Variants in MYO3B observed in about 807,000 individuals in gnomAD.
MYO3B encodes the protein myosin IIIB, also known as myosin-IIIb.
Under a neutral mutation model 174.6 loss-of-function variants are expected in MYO3B, and 156 were observed. The observed-to-expected ratio is 0.89, with a 90% confidence interval of 0.78 to 1.02. The LOEUF (loss-of-function observed/expected upper bound fraction) is 1.02. Among genes scored for constraint, MYO3B ranks in the 50% least tolerant of loss-of-function variants. MYO3B has a pLI of 0.00. For synonymous variants in MYO3B, 563 were observed against 569.1 expected (o/e 0.99, Z 0.15); for missense variants, 1,632 against 1,639.4 (o/e 1.00, Z 0.08).
intron 32 of MYO3B, among the ~76,000 whole-genome samples, chr2:170,574,514 G>GA (rs1283885709): frequency 6.6e-6 from 1 of 152,110 alleles, no homozygotes; most frequent in Non-Finnish European, 1.5e-5. Flanking sequence ...ATGGCATGCA[G>GA]AAGATAAATA....
At chr2:170,236,963 G>A (rs1232478143) in intron 7 of MYO3B, among the ~76,000 whole-genome samples, 9 of 152,164 alleles carry the variant, frequency 5.9e-5, no homozygotes. Context: ...TCTCCTGATT[G>A]CAATTTGCAT....
rs764401162 is a variant in MYO3B at position 170,463,444 on chromosome 2, G to A, written c.2807G>A (p.Arg936Gln). The change falls in exon 24 of 35, where the codon CGG becomes CAG. Residue 936 changes from arginine to glutamine, a missense_variant and splice_region_variant. Arg to Gln is a conservative substitution (Grantham distance 43). Transcript: ENST00000408978. Reference sequence around the variant, plus strand: ...AGGCAAACTGTGGCTTCTTACTTCCGGGTATGGAGTCTTCTTGATCTCTAT... The same window carrying A: ...AGGCAAACTGTGGCTTCTTACTTCCAGGTATGGAGTCTTCTTGATCTCTAT... ...MKRQTVASYF[R>Q]YSLMDLLSKM... 1.9e-5 allele frequency: 30 copies of A among 1,613,640 alleles called. No homozygotes were observed. Among genetic ancestry groups the A allele is most frequent in the Admixed American group, 1.7e-4 (10 of 59,988 alleles).
intron 24 of MYO3B, among the ~76,000 whole-genome samples, chr2:170,464,440 A>G (rs1007665840): frequency 3.3e-5 from 5 of 151,720 alleles, no homozygotes; most frequent in African/African-American, 1.2e-4. Context: ...GGCACAAGAA[A>G]GGGCTTGGCA....
intron 7 of MYO3B, among the ~76,000 whole-genome samples, chr2:170,296,071 G>A (rs796993560): frequency 1.5e-4 from 23 of 152,230 alleles, no homozygotes; most frequent in Admixed American, 1.0e-3. Context: ...ATGCTCTTAC[G>A]CTCATCTTAG....
chr2:170,230,913 C>T (rs1179057717), intron 6 of MYO3B, among the ~76,000 whole-genome samples: 1 of 152,042 alleles, frequency 6.6e-6, no homozygotes, highest in East Asian at 1.9e-4. Flanking sequence ...TCAAAGTCAC[C>T]CAGTGAGAGG....
In MYO3B at chr2:170,275,255, A is replaced by T. The variant is rs368115385; in HGVS notation, c.749+39119A>T. ...AACACGCCAATTGAAAACAATAATA[A>T]CAATGACAATTTATGAAGGTTGCAT... is the stretch of plus-strand genomic sequence containing the variant. On this transcript the variant is annotated intron_variant, in intron 7 of 34. Transcript: ENST00000408978. Among the ~76,000 whole-genome samples, 36 of 152,354 alleles carry T rather than the reference A, an allele frequency of 2.4e-4. 1 individual carries two copies. The South Asian group carries it at 7.0e-3, about 30-fold the overall frequency.
chr2:170,201,621 T>A lies in MYO3B; in HGVS notation c.321+1337T>A, dbSNP rs1025343710. Among the ~76,000 whole-genome samples, 4 of 152,116 alleles carry A rather than the reference T, an allele frequency of 2.6e-5. No homozygotes were observed. The East Asian group carries it at 7.7e-4, about 29-fold the overall frequency. On this transcript the variant is annotated intron_variant, in intron 3 of 34. Coordinates refer to ENST00000408978, the MANE Select transcript of MYO3B (RefSeq NM_138995.5). ...TGCCTTCCTCAGAATATATAAGATG[T>A]AAGGGATTTTGGTTTTCTAATTATC...
chr2:170,536,628 G>C (rs547627983), intron 30 of MYO3B, among the ~76,000 whole-genome samples: 118 of 152,130 alleles, frequency 7.8e-4, no homozygotes, highest in African/African-American at 2.6e-3. Context: ...ACACATTAAA[G>C]CCCAGGAATA....
intron 7 of MYO3B, among the ~76,000 whole-genome samples, chr2:170,248,560 C>T (rs555995215): frequency 5.3e-5 from 8 of 152,254 alleles, no homozygotes; most frequent in Admixed American, 4.6e-4. Flanking sequence ...TCTGGAGGCT[C>T]TAGGGGAGAA....
intron 6 of MYO3B, among the ~76,000 whole-genome samples, chr2:170,220,600 G>T (rs1275693247): frequency 1.5e-5 from 2 of 136,702 alleles, no homozygotes; most frequent in Non-Finnish European, 3.0e-5. Flanking sequence ...CTGCACTCCA[G>T]CCTGGGCGAC....
At chr2:170,397,014 C>G (rs1262207511) in intron 16 of MYO3B, among the ~76,000 whole-genome samples, 5 of 152,114 alleles carry the variant, frequency 3.3e-5, no homozygotes, top group Admixed American at 2.0e-4. Context: ...AGTGAGCAAG[C>G]CTCACACTGT....
intron 32 of MYO3B, among the ~76,000 whole-genome samples, chr2:170,622,501 G>T (rs867469872): frequency 9.9e-5 from 15 of 152,118 alleles, no homozygotes; most frequent in Admixed American, 1.3e-4. Context: ...CCAAGTCCCT[G>T]TTAACAGTTT....
At chr2:170,308,166 C>G (rs2105461786) in intron 7 of MYO3B, among the ~76,000 whole-genome samples, 1 of 152,256 alleles carries the variant, frequency 6.6e-6, no homozygotes, top group South Asian at 2.1e-4. Context: ...CTATTGAACC[C>G]CATTGTCTCA....
chr2:170,292,480 A>G (rs1204122968), intron 7 of MYO3B, among the ~76,000 whole-genome samples: 1 of 152,080 alleles, frequency 6.6e-6, no homozygotes, highest in African/African-American at 2.4e-5. Flanking sequence ...GTTGTTTCTT[A>G]TGGGTAAATG....
chr2:170,388,990 G>A (rs1186696680), intron 14 of MYO3B, among the ~76,000 whole-genome samples: 1 of 152,076 alleles, frequency 6.6e-6, no homozygotes, highest in African/African-American at 2.4e-5. Context: ...TAAAATTTAG[G>A]GAGCTACCTC....
intron 25 of MYO3B, among the ~76,000 whole-genome samples, chr2:170,486,857 A>C (rs1417553180): frequency 6.6e-6 from 1 of 152,216 alleles, no homozygotes; most frequent in African/African-American, 2.4e-5. Flanking sequence ...ACCATCCTTC[A>C]GAAGCTTCTA....
At chr2:170,274,597 T>C (rs2093449687) in intron 7 of MYO3B, among the ~76,000 whole-genome samples, 1 of 151,948 alleles carries the variant, frequency 6.6e-6, no homozygotes, top group African/African-American at 2.4e-5. Flanking sequence ...AGGCATAGGG[T>C]TGTGTGAGGA....
intron 22 of MYO3B, among the ~76,000 whole-genome samples, chr2:170,416,779 C>G (rs1310810231): frequency 6.7e-6 from 1 of 150,128 alleles, no homozygotes; most frequent in Non-Finnish European, 1.5e-5. Flanking sequence ...GCTGCTCACT[C>G]TGCCTGGAAC....
chr2:170,310,955 G>A (rs1394827721), intron 7 of MYO3B, among the ~76,000 whole-genome samples: 2 of 152,090 alleles, frequency 1.3e-5, no homozygotes, highest in Non-Finnish European at 2.9e-5. Flanking sequence ...AGTCTCTCAG[G>A]TTAAATTTTA....
Sources: gnomAD v4.1 joint callset for allele counts (sites outside exome capture counted in the v4.1 genomes callset) on GRCh38, gnomAD v4.1.1 for gene constraint, MANE v1.5 for transcripts, NCBI Gene and HGNC (gene_info 2026-07-23, HGNC 2026-07-21) for gene names.